BASP1: variants seen among roughly 807,000 people sequenced by gnomAD.
BASP1 encodes the protein brain abundant membrane attached signal protein 1.
In BASP1, 1 loss-of-function variant was observed where a neutral mutation model predicts 2.2. The observed-to-expected ratio is 0.46, with a 90% CI of 0.16 to 2.17. The LOEUF (loss-of-function observed/expected upper bound fraction) is 2.17. Among genes scored for constraint, BASP1 ranks in the 30% most tolerant of loss-of-function variants. The pLI, the probability that BASP1 is intolerant of heterozygous loss-of-function variation, is 0.27. For synonymous variants in BASP1, 187 were observed against 154.2 expected (o/e 1.21, Z -1.58); for missense variants, 352 against 327.2 (o/e 1.08, Z -0.58).
intron 1 of BASP1, among the ~76,000 whole-genome samples, chr5:17,229,939 C>T (rs1023373504): frequency 1.9e-4 from 29 of 151,870 alleles, no homozygotes; most frequent in East Asian, 1.4e-3. Flanking sequence ...TGTGCCACCA[C>T]GCCCAGCTAA....
At position 17,275,975 on chromosome 5, in the gene BASP1, C is replaced by G. The variant is rs1024261483; in HGVS notation, c.*75C>G. 2 of 1,262,182 alleles carry G rather than the reference C, an allele frequency of 1.6e-6. No individual in the cohort carries two copies. Among genetic ancestry groups the G allele is most frequent in the Non-Finnish European group, 2.1e-6 (2 of 941,310 alleles). 78.2% of individuals were successfully genotyped at this position (1,262,182 alleles called of 1,614,324 possible). ...TCTCTCTCTCTCTCTCTCTCTATCT[C>G]TCTCTCTATCTCCTCTCTCTCTCTC... On this transcript the variant is annotated 3_prime_UTR_variant, in exon 2 of 2. Coordinates refer to ENST00000322611, the MANE Select transcript of BASP1 (RefSeq NM_006317.5). This position sits in a 1 kb window ranked among gnomAD's most constrained non-coding sequence, Gnocchi z 5.3.
At chr5:17,228,816 C>G (rs991126283) in intron 1 of BASP1, among the ~76,000 whole-genome samples, 1 of 152,140 alleles carries the variant, frequency 6.6e-6, no homozygotes, top group South Asian at 2.1e-4. Flanking sequence ...GCTAAGCATA[C>G]GACTAAAGCG....
In BASP1 at chr5:17,246,251, G is replaced by A. The variant is rs527585683; in HGVS notation, c.-10+28441G>A. On this transcript the variant is annotated intron_variant, in intron 1 of 1. Transcript: ENST00000322611. ...AATCCCAGCACTTTGAGAGGCCAAGGCGGGTGGATCATAAGGTCAGGAGTT... is the reference window on the plus strand; with the variant it reads ...AATCCCAGCACTTTGAGAGGCCAAGACGGGTGGATCATAAGGTCAGGAGTT... Among the ~76,000 whole-genome samples the A allele has an allele frequency of 1.1e-4, 16 of 152,184 alleles. No homozygotes were observed. In the South Asian group the frequency reaches 3.1e-3, roughly 30 times the overall value.
chr5:17,272,224 C>A (rs1740543268), intron 1 of BASP1, among the ~76,000 whole-genome samples: 1 of 152,100 alleles, frequency 6.6e-6, no homozygotes, highest in African/African-American at 2.4e-5. Context: ...CTTCCTTATT[C>A]CCTCAACACC....
At position 17,276,102 on chromosome 5, in the gene BASP1, A is replaced by AT; in HGVS notation, c.*202_*203insT. 6.2e-6 allele frequency: 1 copy of AT among 162,580 alleles called. No individual in the cohort carries two copies. The highest frequency in any genetic ancestry group is 2.3e-4 in the East Asian group (1 of 4,442). 10.1% of individuals were successfully genotyped at this position (162,580 alleles called of 1,614,324 possible). Reference sequence around the variant, plus strand: ...AAAAATACAGGATGTTGTCCCATCAAGGGAGGGAGGGGGTGGGAGAATCCA... The same window carrying AT: ...AAAAATACAGGATGTTGTCCCATCAATGGGAGGGAGGGGGTGGGAGAATCCA... On this transcript the variant is annotated 3_prime_UTR_variant, in exon 2 of 2. Coordinates refer to ENST00000322611, the MANE Select transcript of BASP1 (RefSeq NM_006317.5).
chr5:17,255,738 C>T (rs1740197358), intron 1 of BASP1, among the ~76,000 whole-genome samples: 1 of 128,786 alleles, frequency 7.8e-6, no homozygotes, highest in African/African-American at 2.6e-5. Flanking sequence ...TAAATTTGCT[C>T]ATGTTAAATG....
At chr5:17,262,393 G>C (rs888251644) in intron 1 of BASP1, among the ~76,000 whole-genome samples, 17 of 152,216 alleles carry the variant, frequency 1.1e-4, no homozygotes, top group African/African-American at 3.4e-4. Context: ...GAGTGAGCCA[G>C]AGTGCCTGCA....
intron 1 of BASP1, among the ~76,000 whole-genome samples, chr5:17,246,748 T>C (rs1457770058): frequency 6.6e-6 from 1 of 152,260 alleles, no homozygotes; most frequent in Non-Finnish European, 1.5e-5. Context: ...ATTGCCCATT[T>C]TCCCAATTTG....
At chr5:17,220,003 T>C (rs1739365303) in intron 1 of BASP1, among the ~76,000 whole-genome samples, 1 of 152,218 alleles carries the variant, frequency 6.6e-6, no homozygotes, top group Non-Finnish European at 1.5e-5. Context: ...TTAGATTTAT[T>C]TTCAGGTAGT....
intron 1 of BASP1, among the ~76,000 whole-genome samples, chr5:17,268,597 TC>T (rs1175986495): frequency 1.3e-5 from 2 of 152,220 alleles, no homozygotes; most frequent in Non-Finnish European, 2.9e-5. Context: ...ACCCAGTGTG[TC>T]CTGTGGATTC....
chr5:17,263,507 T>C (rs2126515946), intron 1 of BASP1, among the ~76,000 whole-genome samples: 1 of 152,316 alleles, frequency 6.6e-6, no homozygotes, highest in Non-Finnish European at 1.5e-5. Flanking sequence ...CTCAGATATT[T>C]ATGCATTTTG....
At position 17,255,851 on chromosome 5, in the gene BASP1, G is replaced by T. The variant is rs151246334; in HGVS notation, c.-9-19357G>T. On this transcript the variant is annotated intron_variant, in intron 1 of 1. Coordinates refer to ENST00000322611, the MANE Select transcript of BASP1 (RefSeq NM_006317.5). The stretch of plus-strand genomic sequence containing the variant: ...TCAAACATATCTGTTGCAATTTCAT[G>T]ATTTCTTAAGACTAATGCTGTCACC... Among the ~76,000 whole-genome samples the T allele has an allele frequency of 2.1e-3, 325 of 152,280 alleles. 2 individuals are homozygous for T. Among genetic ancestry groups the T allele is most frequent in the African/African-American group, 7.3e-3 (305 of 41,540 alleles).
At chr5:17,247,842 T>C (rs1740026451) in intron 1 of BASP1, among the ~76,000 whole-genome samples, 1 of 152,238 alleles carries the variant, frequency 6.6e-6, no homozygotes, top group African/African-American at 2.4e-5. Context: ...ATAAATGTAC[T>C]GCAGAGGATG....
At chr5:17,274,280 T>C (rs1740583468) in intron 1 of BASP1, among the ~76,000 whole-genome samples, 1 of 152,232 alleles carries the variant, frequency 6.6e-6, no homozygotes, top group Non-Finnish European at 1.5e-5. Context: ...AATGAATTTA[T>C]GTCAGACACA....
intron 1 of BASP1, among the ~76,000 whole-genome samples, chr5:17,218,267 G>C (rs1397432276): frequency 6.9e-6 from 1 of 144,498 alleles, no homozygotes; most frequent in Non-Finnish European, 1.5e-5. Context: ...AGCAGCCAAA[G>C]ATGGAGGGTG....
At chr5:17,252,528 G>C (rs1561172327) in intron 1 of BASP1, among the ~76,000 whole-genome samples, 2 of 152,126 alleles carry the variant, frequency 1.3e-5, no homozygotes, top group African/African-American at 4.8e-5. Flanking sequence ...TGTTCTCTGT[G>C]GATGTTGTGC....
intron 1 of BASP1, among the ~76,000 whole-genome samples, chr5:17,239,488 A>G (rs1201632129): frequency 6.6e-6 from 1 of 152,186 alleles, no homozygotes; most frequent in Non-Finnish European, 1.5e-5. Context: ...GTATCTAAAT[A>G]AAACAGATCA....
intron 1 of BASP1, among the ~76,000 whole-genome samples, chr5:17,218,317 G>A (rs1246307868): frequency 6.6e-6 from 1 of 151,796 alleles, no homozygotes; most frequent in African/African-American, 2.4e-5. Flanking sequence ...AAAGAAGATG[G>A]GGAATCTGGC....
intron 1 of BASP1, among the ~76,000 whole-genome samples, chr5:17,248,250 T>G (rs1350208601): frequency 6.6e-6 from 1 of 152,242 alleles, no homozygotes; most frequent in African/African-American, 2.4e-5. Flanking sequence ...TTAAAGGACC[T>G]AGTTGATACC....
Sources: gnomAD v4.1 joint callset for allele counts (sites outside exome capture counted in the v4.1 genomes callset) on GRCh38, gnomAD v4.1.1 for gene constraint, Gnocchi (gnomAD v3.1) non-coding constraint, MANE v1.5 for transcripts, NCBI Gene and HGNC (gene_info 2026-07-23, HGNC 2026-07-21) for gene names.